Variants in PLCL1 observed in about 807,000 individuals in gnomAD.
PLCL1 encodes the protein inactive phospholipase C-like protein 1.
PLCL1 carries 41 observed loss-of-function variants against 84.4 expected under a neutral mutation model. The ratio of observed to expected loss-of-function variants is 0.49; its 90% CI spans 0.38 to 0.63. The LOEUF is 0.63. PLCL1 is among the 30% of genes least tolerant of loss of function. PLCL1 has a pLI of 0.00. For missense variants in PLCL1, 1,206 were observed against 1,367.8 expected (o/e 0.88, Z 1.87); for synonymous variants, 490 against 488.3 (o/e 1.00, Z -0.05).
chr2:198,101,403 T>C, intron 4 of PLCL1, 43 bp downstream of exon 4: 2 of 1,103,028 alleles, frequency 1.8e-6, no homozygotes, highest in Non-Finnish European at 2.7e-6. Context: ...TTTTCTATTT[T>C]GTTTGGAAAC....
intron 1 of PLCL1, among the ~76,000 whole-genome samples, chr2:198,045,992 A>G (rs1405031784): frequency 6.6e-6 from 1 of 152,180 alleles, no homozygotes; most frequent in Non-Finnish European, 1.5e-5. Context: ...AGTTTGAATA[A>G]AAAGGGTGAC....
chr2:197,832,242 A>G (rs1012776730), intron 1 of PLCL1, among the ~76,000 whole-genome samples: 6 of 152,218 alleles, frequency 3.9e-5, no homozygotes, highest in Non-Finnish European at 1.5e-5. Context: ...GATTAACAAA[A>G]TAGATAGATG....
intron 1 of PLCL1, among the ~76,000 whole-genome samples, chr2:197,945,524 T>C (rs1263401738): frequency 6.6e-6 from 1 of 152,170 alleles, no homozygotes; most frequent in African/African-American, 2.4e-5. Flanking sequence ...TATTTCACGG[T>C]CAACAGTGTT....
chr2:198,114,554 G>A (rs557005592), intron 5 of PLCL1, among the ~76,000 whole-genome samples: 17 of 151,946 alleles, frequency 1.1e-4, no homozygotes, highest in Non-Finnish European at 1.5e-4. Flanking sequence ...CCTAAGGTGA[G>A]TTGTAGCTTA....
At chr2:197,949,361 G>C (rs1231700554) in intron 1 of PLCL1, among the ~76,000 whole-genome samples, 1 of 152,098 alleles carries the variant, frequency 6.6e-6, no homozygotes, top group Non-Finnish European at 1.5e-5. Flanking sequence ...GTATCTGAAG[G>C]TTATGAAATG....
At chr2:197,823,162 T>C (rs1312327484) in intron 1 of PLCL1, among the ~76,000 whole-genome samples, 1 of 152,150 alleles carries the variant, frequency 6.6e-6, no homozygotes, top group Non-Finnish European at 1.5e-5. Context: ...AGTGGTGGGA[T>C]TACAGGCATG....
intron 5 of PLCL1, among the ~76,000 whole-genome samples, chr2:198,105,601 GGTGTGTGTGTGTGTGT>G (rs72103336): frequency 7.0e-6 from 1 of 143,830 alleles, no homozygotes; most frequent in South Asian, 2.3e-4. Context: ...TAATTTGCCT[GGTGTGTGTGTGTGTGT>G]GTGTGTGTGT....
At chr2:198,101,054 T>C (rs1007704735) in intron 3 of PLCL1, among the ~76,000 whole-genome samples, 7 of 152,090 alleles carry the variant, frequency 4.6e-5, no homozygotes. Context: ...GTGCCCACTG[T>C]GTGCCAAGCA....
intron 1 of PLCL1, among the ~76,000 whole-genome samples, chr2:197,955,171 C>A (rs1307542082): frequency 2.6e-5 from 4 of 152,144 alleles, no homozygotes; most frequent in African/African-American, 4.8e-5. Flanking sequence ...TAGCTTTTCT[C>A]CTGGCTCTCA....
Position 198,018,114 on chromosome 2 carries a change from C to T in PLCL1, c.241-65644C>T, listed in dbSNP as rs189223621. ...AAGCAGGGTGGGGCATTGCCTCACC[C>T]GGGAAGTGCAAGGGGTTGGGGAACT... On this transcript the variant is annotated intron_variant, in intron 1 of 5. Transcript: ENST00000428675. 5.4e-3 allele frequency among the ~76,000 whole-genome samples: 818 copies of T among 152,156 alleles called. 8 individuals carry two copies. Among genetic ancestry groups the T allele is most frequent in the African/African-American group, 0.018 (744 of 41,508 alleles).
At chr2:197,833,752 A>G (rs573543893) in intron 1 of PLCL1, among the ~76,000 whole-genome samples, 5 of 152,368 alleles carry the variant, frequency 3.3e-5, no homozygotes, top group Non-Finnish European at 7.4e-5. Context: ...AAAGTAATTT[A>G]TAGATTCAGT....
intron 1 of PLCL1, among the ~76,000 whole-genome samples, chr2:197,942,914 A>G (rs897448769): frequency 2.0e-5 from 3 of 152,172 alleles, no homozygotes; most frequent in African/African-American, 7.2e-5. Context: ...TCCCCTTATA[A>G]TAGAATATCA....
At chr2:197,867,539 A>G in intron 1 of PLCL1, among the ~76,000 whole-genome samples, 1 of 152,142 alleles carries the variant, frequency 6.6e-6, no homozygotes, top group East Asian at 1.9e-4. Flanking sequence ...GATGAAATAG[A>G]CATAGTTTCT....
At chr2:198,096,855 G>T (rs1393341026) in intron 3 of PLCL1, among the ~76,000 whole-genome samples, 1 of 152,136 alleles carries the variant, frequency 6.6e-6, no homozygotes, top group Non-Finnish European at 1.5e-5. Context: ...GAATACACTA[G>T]TAAGTATTAC....
At chr2:197,862,917 A>G (rs559540276) in intron 1 of PLCL1, among the ~76,000 whole-genome samples, 2 of 152,264 alleles carry the variant, frequency 1.3e-5, no homozygotes, top group African/African-American at 4.8e-5. Flanking sequence ...AGTAGATTCT[A>G]GATAACAATA....
intron 1 of PLCL1, among the ~76,000 whole-genome samples, chr2:197,819,253 A>ACCCACC (rs1690758454): frequency 1.3e-5 from 2 of 152,078 alleles, no homozygotes; most frequent in South Asian, 4.2e-4. Flanking sequence ...GGTAGAGTAG[A>ACCCACC]CCCACCCCCA....
intron 1 of PLCL1, among the ~76,000 whole-genome samples, chr2:197,929,000 T>C (rs1473116530): frequency 1.3e-5 from 2 of 152,200 alleles, no homozygotes; most frequent in Non-Finnish European, 2.9e-5. Flanking sequence ...TTTCAACTTT[T>C]CTATAATGAA....
At chr2:197,877,437 A>G (rs1031048634) in intron 1 of PLCL1, among the ~76,000 whole-genome samples, 4 of 152,144 alleles carry the variant, frequency 2.6e-5, no homozygotes, top group African/African-American at 7.2e-5. Context: ...GGCCCATAGT[A>G]TAGGATAGTT....
At chr2:197,962,429 A>G (rs1689640784) in intron 1 of PLCL1, among the ~76,000 whole-genome samples, 1 of 152,080 alleles carries the variant, frequency 6.6e-6, no homozygotes, top group South Asian at 2.1e-4. Flanking sequence ...TAACTAACGT[A>G]AACTAATTGA....
Sources: allele counts gnomAD v4.1 joint callset (sites outside exome capture counted in the v4.1 genomes callset), GRCh38; gene constraint gnomAD v4.1.1; transcripts MANE v1.5; gene names NCBI Gene and HGNC (gene_info 2026-07-23, HGNC 2026-07-21).